The following SLC1A2 variants were observed in gnomAD, a reference collection of about 807,000 sequenced individuals.
SLC1A2 encodes excitatory amino acid transporter 2.
SLC1A2 carries 15 observed loss-of-function variants against 48.8 expected under a neutral mutation model. The observed-to-expected ratio is 0.31, with a 90% confidence interval of 0.21 to 0.47. SLC1A2 has a LOEUF of 0.47. SLC1A2 is among the 20% of genes least tolerant of loss of function. The pLI is 0.99. For synonymous variants in SLC1A2, 279 were observed against 272.6 expected (o/e 1.02, Z -0.23); for missense variants, 502 against 730.5 (o/e 0.69, Z 3.61).
intron 1 of SLC1A2, among the ~76,000 whole-genome samples, chr11:35,358,597 AG>A (rs1590225546): frequency 6.6e-6 from 1 of 152,236 alleles, no homozygotes; most frequent in African/African-American, 2.4e-5. Context: ...TGGTTTCCTG[AG>A]TAACTGCTAT....
At position 35,258,709 on chromosome 11, in the gene SLC1A2, T is replaced by C. The variant is rs992469364; in HGVS notation, c.*2185A>G. 6 of 152,486 alleles carry C rather than the reference T, an allele frequency of 3.9e-5. No individual in the cohort carries two copies. The highest frequency in any genetic ancestry group is 1.2e-4 in the African/African-American group (5 of 41,552). 9.4% of individuals were successfully genotyped at this position (152,486 alleles called of 1,614,324 possible). On this transcript the variant is annotated 3_prime_UTR_variant, in exon 11 of 11. Coordinates refer to ENST00000278379, the MANE Select transcript of SLC1A2 (RefSeq NM_004171.4). Reference sequence around the variant, plus strand: ...GTAATCCCAGCACTTTGGGAGGCCATGGCGGGTGGATCATGAGGTCAGGAG... The same window carrying C: ...GTAATCCCAGCACTTTGGGAGGCCACGGCGGGTGGATCATGAGGTCAGGAG...
intron 1 of SLC1A2, among the ~76,000 whole-genome samples, chr11:35,350,789 T>C (rs895316697): frequency 2.6e-5 from 4 of 152,212 alleles, no homozygotes; most frequent in Non-Finnish European, 4.4e-5. Flanking sequence ...TTGGAGCTGC[T>C]TGTTGGTCTG....
chr11:35,355,220 A>T (rs966044885), intron 1 of SLC1A2, among the ~76,000 whole-genome samples: 4 of 152,160 alleles, frequency 2.6e-5, no homozygotes, highest in Admixed American at 2.6e-4. Context: ...GACTTAAAAC[A>T]TTATAGAGTT....
At position 35,251,271 on chromosome 11, in the gene SLC1A2, T is replaced by C. The variant is rs1950234323; in HGVS notation, c.*9623A>G. ...AAAGTTAAAACACTTAGTGAAATAT[T>C]GGATTCACAGGTTATTTCCAGTATA... is the stretch of plus-strand genomic sequence containing the variant. On this transcript the variant is annotated 3_prime_UTR_variant, in exon 11 of 11. Coordinates refer to ENST00000278379, the MANE Select transcript of SLC1A2 (RefSeq NM_004171.4). 6.6e-6 allele frequency: 1 copy of C among 152,640 alleles called. No homozygotes were observed. The highest frequency in any genetic ancestry group is 1.5e-5 in the Non-Finnish European group (1 of 68,038). The allele number at this position is 152,640 out of a possible 1,614,324, so 9.5% of individuals were successfully genotyped here. A position where few individuals can be genotyped will look rare whatever the true frequency, so the allele number is the denominator to read the frequency against.
At chr11:35,341,527 A>G (rs1184748437) in intron 1 of SLC1A2, among the ~76,000 whole-genome samples, 1 of 152,244 alleles carries the variant, frequency 6.6e-6, no homozygotes, top group Non-Finnish European at 1.5e-5. Context: ...GAACATCACA[A>G]GCAGCATGCA....
At chr11:35,416,055 G>A (rs1333374572) in intron 1 of SLC1A2, among the ~76,000 whole-genome samples, 1 of 152,154 alleles carries the variant, frequency 6.6e-6, no homozygotes, top group Non-Finnish European at 1.5e-5. Context: ...TTGCTTTGCA[G>A]GAAAATACCT....
chr11:35,267,496 C>T (rs11033048), intron 9 of SLC1A2, among the ~76,000 whole-genome samples: 54,811 of 151,880 alleles, frequency 0.36, 10,350 homozygotes, highest in South Asian at 0.54. Context: ...TGTATCAAGT[C>T]AATTCAAATA....
At chr11:35,344,939 C>T (rs1466312140) in intron 1 of SLC1A2, among the ~76,000 whole-genome samples, 3 of 152,108 alleles carry the variant, frequency 2.0e-5, no homozygotes, top group Admixed American at 6.5e-5. Flanking sequence ...TTTTAATCTC[C>T]AGAAGGTAGT....
intron 2 of SLC1A2, chr11:35,316,571 G>A (rs1189129853): frequency 6.6e-6 from 1 of 152,314 alleles, no homozygotes; most frequent in African/African-American, 2.4e-5. Flanking sequence ...CAAAGGAAAG[G>A]CCATGGAATG....
rs189845236 is a variant in SLC1A2 at position 35,348,558 on chromosome 11, C to T, written c.18-31042G>A. On this transcript the variant is annotated intron_variant, in intron 1 of 10. Transcript: ENST00000278379. ...TGCCCTAAGCAGAGGGGAGGAAGCA[C>T]ATGACCAGCTGATGTAGGCACACAT... Among the ~76,000 whole-genome samples the T allele has an allele frequency of 6.6e-5, 10 of 152,192 alleles. No individual in the cohort carries two copies. The East Asian group carries it at 1.5e-3, about 24-fold the overall frequency.
At chr11:35,286,453 G>A (rs1162271242) in intron 8 of SLC1A2, 2 of 199,262 alleles carry the variant, frequency 1.0e-5, no homozygotes, top group African/African-American at 4.6e-5. Context: ...TGGTGCCTGA[G>A]TTTCTTTGTC....
chr11:35,356,657 T>C (rs1380281703), intron 1 of SLC1A2, among the ~76,000 whole-genome samples: 3 of 152,236 alleles, frequency 2.0e-5, no homozygotes, highest in Non-Finnish European at 2.9e-5. Context: ...TCCTTTGCTC[T>C]TGTCGTTTAC....
At chr11:35,322,860 C>A in intron 1 of SLC1A2, 1 of 653,716 alleles carries the variant, frequency 1.5e-6, no homozygotes. Context: ...TGAAGAATGC[C>A]ACCCCTGCTT....
chr11:35,333,827 ATTT>A (rs373988431), intron 1 of SLC1A2, among the ~76,000 whole-genome samples: 467 of 126,162 alleles, frequency 3.7e-3, no homozygotes, highest in African/African-American at 9.3e-3. Context: ...ATGCCAGCTA[ATTT>A]TTTTTTTTTT....
intron 1 of SLC1A2, among the ~76,000 whole-genome samples, chr11:35,370,015 G>C (rs1162799949): frequency 6.6e-6 from 1 of 152,140 alleles, no homozygotes; most frequent in Admixed American, 6.5e-5. Flanking sequence ...GATGATTCAG[G>C]CAGAACAGTG....
intron 1 of SLC1A2, chr11:35,360,129 G>A (rs1206397559): frequency 1.0e-6 from 1 of 981,714 alleles, no homozygotes; most frequent in Non-Finnish European, 1.2e-6. Flanking sequence ...CTATACTATA[G>A]AGGAAAAGCT....
At chr11:35,358,029 CA>C (rs1565272766) in intron 1 of SLC1A2, among the ~76,000 whole-genome samples, 1 of 151,902 alleles carries the variant, frequency 6.6e-6, no homozygotes, top group Non-Finnish European at 1.5e-5. Context: ...GCTATAGCCC[CA>C]GCTACTTGGG....
At chr11:35,346,773 G>C (rs1374076161) in intron 1 of SLC1A2, among the ~76,000 whole-genome samples, 1 of 152,258 alleles carries the variant, frequency 6.6e-6, no homozygotes, top group Admixed American at 6.5e-5. Context: ...CAGTGAAGCG[G>C]AGACTCATAG....
chr11:35,419,168 G>T lies in SLC1A2; in HGVS notation c.-202C>A. 2.1e-6 allele frequency: 1 copy of T among 467,402 alleles called. No homozygotes were observed. 29.0% of individuals were successfully genotyped at this position (467,402 alleles called of 1,614,324 possible). ...TCCTGCGGGCGCTAATCCGCGTCCCGGCTCTCCACGGCGCGCGACCCGCGC... is the reference window on the plus strand; with the variant it reads ...TCCTGCGGGCGCTAATCCGCGTCCCTGCTCTCCACGGCGCGCGACCCGCGC... On this transcript the variant is annotated 5_prime_UTR_variant, in exon 1 of 11. Transcript: ENST00000278379. This position sits in a 1 kb window ranked among gnomAD's most constrained non-coding sequence, Gnocchi z 5.4.
Sources: allele counts gnomAD v4.1 joint callset (sites outside exome capture counted in the v4.1 genomes callset), GRCh38; gene constraint gnomAD v4.1.1; non-coding constraint Gnocchi (gnomAD v3.1); transcripts MANE v1.5; gene names NCBI Gene and HGNC (gene_info 2026-07-23, HGNC 2026-07-21).